ZNF705G: variants seen among roughly 807,000 people sequenced by gnomAD.
ZNF705G encodes putative zinc finger protein 705G.
Under a neutral mutation model 19.6 loss-of-function variants are expected in ZNF705G, and 23 were observed. The ratio of observed to expected loss-of-function variants is 1.17; its 90% CI spans 0.84 to 1.66. The LOEUF is 1.66. ZNF705G is among the 40% of genes most tolerant of loss of function. ZNF705G has a pLI of 0.00. For missense variants in ZNF705G, 457 were observed against 354.4 expected (o/e 1.29, Z -2.32); for synonymous variants, 146 against 117.7 (o/e 1.24, Z -1.56).
intron 3 of ZNF705G, 107 bp downstream of exon 3, chr8:7,362,827 AC>A (rs1340007919): frequency 6.3e-7 from 1 of 1,585,850 alleles, no homozygotes; most frequent in East Asian, 2.2e-5. Flanking sequence ...ATAAAAACAA[AC>A]AAACAAAAAA....
intron 2 of ZNF705G, among the ~76,000 whole-genome samples, chr8:7,363,614 T>G (rs12542313): frequency 0.37 from 54,150 of 146,212 alleles, 5,346 homozygotes; most frequent in African/African-American, 0.5. Context: ...TGAGGTCAAG[T>G]GTTCGAGACT....
At position 7,359,671 on chromosome 8, in the gene ZNF705G, A is replaced by G. The variant is rs1806480548; in HGVS notation, c.266T>C (p.Met89Thr). ...TCTGGTGATAGGATGCATGGATATC[A>G]TGTGTGTTTTCTTAAGGGCACTTTC... is the stretch of plus-strand genomic sequence containing the variant. ...NRESALKKTH[M>T]ISMHPITRKD... is the part of the protein sequence containing the mutation. Residue 89 changes from methionine to threonine, a missense_variant, in exon 6 of 7, where the codon ATG (methionine) becomes ACG (threonine). Coordinates refer to ENST00000400156, the MANE Select transcript of ZNF705G (RefSeq NM_001164457.3). 3 of 1,606,746 alleles carry G rather than the reference A, an allele frequency of 1.9e-6. No individual in the cohort carries two copies. The African/African-American group carries it at 4.2e-5, about 23-fold the overall frequency.
rs768396741 is a variant in ZNF705G at position 7,358,560 on chromosome 8, C to T, written c.319G>A (p.Glu107Lys). ...RKDASTSMTM[E>K]NSLILEDPFE... Reference sequence around the variant, plus strand: ...GGATCCTCCAGAATGAGAGAGTTCTCCTTTGGGGCAAATATTAAAAGCTCT... The same window carrying T: ...GGATCCTCCAGAATGAGAGAGTTCTTCTTTGGGGCAAATATTAAAAGCTCT... The change falls in exon 7 of 7, where the codon GAG becomes AAG. Residue 107 changes from glutamate to lysine, a missense_variant and splice_region_variant. Physicochemically the swap from Glu to Lys is moderately conservative, Grantham distance 56 (BLOSUM62 1). Coordinates refer to ENST00000400156, the MANE Select transcript of ZNF705G (RefSeq NM_001164457.3). 1.9e-6 allele frequency: 3 copies of T among 1,607,290 alleles called. No individual in the cohort carries two copies. Among genetic ancestry groups the T allele is most frequent in the Admixed American group, 1.7e-5 (1 of 59,950 alleles).
At chr8:7,365,707 GC>G (rs1414437599) in intron 2 of ZNF705G, among the ~76,000 whole-genome samples, 1 of 149,422 alleles carries the variant, frequency 6.7e-6, no homozygotes, top group East Asian at 1.9e-4. Context: ...GAACCATTCT[GC>G]ATCCTCAATA....
chr8:7,370,285 A>T (rs1286863013), intron 2 of ZNF705G, among the ~76,000 whole-genome samples: 1 of 143,702 alleles, frequency 7.0e-6, no homozygotes, highest in African/African-American at 2.8e-5. Context: ...AAAAAAAAAT[A>T]TGCAAAGATC....
chr8:7,368,000 C>A (rs1474527977), intron 2 of ZNF705G, among the ~76,000 whole-genome samples: 7 of 149,596 alleles, frequency 4.7e-5, no homozygotes, highest in Non-Finnish European at 1.0e-4. Context: ...GCAAGTCCCA[C>A]AAGCAAGCAG....
intron 2 of ZNF705G, among the ~76,000 whole-genome samples, chr8:7,371,148 C>T (rs571644538): frequency 2.1e-5 from 3 of 140,934 alleles, no homozygotes; most frequent in African/African-American, 5.6e-5. Flanking sequence ...AATAACGAAA[C>T]CCTGTCATTT....
At chr8:7,362,160 T>C (rs1256969103) in intron 3 of ZNF705G, among the ~76,000 whole-genome samples, 1 of 149,668 alleles carries the variant, frequency 6.7e-6, no homozygotes, top group African/African-American at 2.6e-5. Flanking sequence ...TTATAAAGCA[T>C]TTCCACAGAA....
chr8:7,359,074 G>C (rs969493336), intron 6 of ZNF705G, among the ~76,000 whole-genome samples: 3 of 149,562 alleles, frequency 2.0e-5, no homozygotes, highest in Non-Finnish European at 4.4e-5. Context: ...CACTGAGCCA[G>C]AAAAATGCAT....
At chr8:7,359,777 T>C (rs1474243610) in intron 5 of ZNF705G, 76 bp from the exon 6 acceptor site, 1 of 1,598,410 alleles carries the variant, frequency 6.3e-7, no homozygotes, top group Non-Finnish European at 8.5e-7. Flanking sequence ...AAAGCCCACG[T>C]ACTTTTTTCA....
At chr8:7,360,502 T>G (rs1259188232) in intron 4 of ZNF705G, among the ~76,000 whole-genome samples, 170 bp from the exon 5 acceptor site, 10 of 149,088 alleles carry the variant, frequency 6.7e-5, no homozygotes, top group African/African-American at 2.3e-4. Flanking sequence ...AATATGAGAC[T>G]ACAAAATAAA....
Position 7,357,663 on chromosome 8 carries a change from A to C in ZNF705G, c.*313T>G. Reference sequence around the variant, plus strand: ...ATACATGTCATACAATTTCTCTTCCATATGAATTTATTGATGTGGACTGAA... The same window carrying C: ...ATACATGTCATACAATTTCTCTTCCCTATGAATTTATTGATGTGGACTGAA... On this transcript the variant is annotated 3_prime_UTR_variant, in exon 7 of 7. Transcript: ENST00000400156. The C allele has an allele frequency of 2.0e-6, 1 of 489,864 alleles. No homozygotes were observed. Among genetic ancestry groups the C allele is most frequent in the Non-Finnish European group, 3.6e-6 (1 of 281,366 alleles). The allele number at this position is 489,864 out of a possible 1,614,324, so 30.3% of individuals were successfully genotyped here.
Position 7,358,550 on chromosome 8 carries a change from A to C in ZNF705G, c.329T>G (p.Leu110Arg), listed in dbSNP as rs1156345057. ...ASTSMTMENS[L>R]ILEDPFECND... is the part of the protein sequence containing the mutation. ...ACATTCAAAAGGATCCTCCAGAATG[A>C]GAGAGTTCTCCTTTGGGGCAAATAT... Residue 110 changes from leucine to arginine, a missense_variant, in exon 7 of 7, where the codon CTC becomes CGC. Transcript: ENST00000400156. The C allele has an allele frequency of 6.2e-7, 1 of 1,607,106 alleles. No homozygotes were observed. Among genetic ancestry groups the C allele is most frequent in the Non-Finnish European group, 8.5e-7 (1 of 1,179,314 alleles).
chr8:7,368,781 A>G lies in ZNF705G; in HGVS notation c.-71-5764T>C, dbSNP rs188497071. On this transcript the variant is annotated intron_variant, in intron 2 of 6. Coordinates refer to ENST00000400156, the MANE Select transcript of ZNF705G (RefSeq NM_001164457.3). ...CAAGCACAGGACAGTGCTCACAGCA[A>G]TCTAGGTCTCAGCCACTCCAGCTCC... Among the ~76,000 whole-genome samples the G allele has an allele frequency of 1.2e-3, 183 of 149,714 alleles. 3 individuals carry two copies. The highest frequency in any genetic ancestry group is 9.5e-3 in the East Asian group (49 of 5,178).
At position 7,358,104 on chromosome 8, in the gene ZNF705G, C is replaced by T. The variant is rs190065695; in HGVS notation, c.775G>A (p.Asp259Asn). 3.0e-4 allele frequency: 486 copies of T among 1,607,840 alleles called. 48 individuals are homozygous for T. In the African/African-American group the frequency reaches 4.3e-3, roughly 14 times the overall value. The change falls in exon 7 of 7, where the codon GAT (aspartate) becomes AAT (asparagine). Residue 259 changes from aspartate (D) to asparagine (N), a missense_variant. Transcript: ENST00000400156. ...TGACTAAAGGCTTTCCCACTTTTAT[C>T]ACATTCATAACACTTTTTTCCAAGG... ...THLGKKCYEC[D>N]KSGKAFSQSS...
Position 7,375,108 on chromosome 8 carries a change from G to A in ZNF705G, c.-72+6344C>T, listed in dbSNP as rs2128844743. On this transcript the variant is annotated intron_variant, in intron 2 of 6. Coordinates refer to ENST00000400156, the MANE Select transcript of ZNF705G (RefSeq NM_001164457.3). ...CATGGGTATATTGTGTGATATTGAG[G>A]TTTGGGGTATGAATAACTCTGTCAC... Among the ~76,000 whole-genome samples the A allele has an allele frequency of 2.1e-5, 2 of 94,534 alleles. 1 individual carries two copies. The highest frequency in any genetic ancestry group is 7.2e-4 in the South Asian group (2 of 2,776). 62.0% of individuals were successfully genotyped at this position (94,534 alleles called of 152,430 possible). A position where few individuals can be genotyped will look rare whatever the true frequency, so the allele number is the denominator to read the frequency against.
chr8:7,358,891 A>C (rs1423505539), intron 6 of ZNF705G, among the ~76,000 whole-genome samples: 2 of 149,484 alleles, frequency 1.3e-5, no homozygotes, highest in East Asian at 1.9e-4. Flanking sequence ...ATGGCAATGC[A>C]AACTGATAAC....
chr8:7,369,622 C>T (rs1807008753), intron 2 of ZNF705G, among the ~76,000 whole-genome samples: 1 of 149,536 alleles, frequency 6.7e-6, no homozygotes, highest in South Asian at 2.1e-4. Context: ...GCATTATTTG[C>T]AATAGCAAAG....
intron 3 of ZNF705G, 59 bp from the exon 4 acceptor site, chr8:7,361,295 G>A: frequency 6.3e-7 from 1 of 1,591,946 alleles, no homozygotes; most frequent in Non-Finnish European, 8.5e-7. Context: ...GTCCGGAAGA[G>A]GAAGGCTGAG....
Sources: gnomAD v4.1 joint callset for allele counts (sites outside exome capture counted in the v4.1 genomes callset) on GRCh38, gnomAD v4.1.1 for gene constraint, MANE v1.5 for transcripts, NCBI Gene and HGNC (gene_info 2026-07-23, HGNC 2026-07-21) for gene names.